RDM1: variants seen among roughly 807,000 people sequenced by gnomAD.
RDM1 encodes RAD52 motif containing 1.
RDM1 carries 28 observed loss-of-function variants against 27.7 expected under a neutral mutation model. The ratio of observed to expected loss-of-function variants is 1.01; its 90% CI spans 0.75 to 1.39. RDM1 has a LOEUF of 1.39. RDM1 is among the 40% of genes most tolerant of loss of function. The probability of loss-of-function intolerance (pLI) is 0.00; values close to 1 mark genes in which losing one functional copy is unlikely to be tolerated. For missense variants in RDM1, 277 were observed against 337.3 expected (o/e 0.82, Z 1.40); for synonymous variants, 124 against 127.5 (o/e 0.97, Z 0.19).
At chr17:35,923,633 A>C (rs868145563) in intron 4 of RDM1, among the ~76,000 whole-genome samples, 2 of 152,158 alleles carry the variant, frequency 1.3e-5, no homozygotes, top group South Asian at 4.1e-4. Flanking sequence ...AGTGCACTTC[A>C]GCCTGGGCGA....
In RDM1 at chr17:35,923,028, T is replaced by C. The variant is rs536255706; in HGVS notation, c.569-353A>G. On this transcript the variant is annotated intron_variant, in intron 4 of 6. Transcript: ENST00000620284. ...CTGGAATCACTCATCGAAAAAGGTT[T>C]GGTTGGCTGGACCTGGTGGCCCATG... Among the ~76,000 whole-genome samples the C allele has an allele frequency of 2.0e-5, 3 of 152,252 alleles. No individual in the cohort carries two copies. In the South Asian group the frequency reaches 6.2e-4, roughly 32 times the overall value.
At chr17:35,926,696 C>T (rs1399532811) in intron 2 of RDM1, among the ~76,000 whole-genome samples, 1 of 152,126 alleles carries the variant, frequency 6.6e-6, no homozygotes, top group African/African-American at 2.4e-5. Flanking sequence ...AGCCACTGCG[C>T]CTGGCCGTAA....
At chr17:35,927,724 C>T (rs1230864720) in intron 2 of RDM1, among the ~76,000 whole-genome samples, 2 of 151,916 alleles carry the variant, frequency 1.3e-5, no homozygotes, top group African/African-American at 4.8e-5. Flanking sequence ...AGTTGTAGAA[C>T]ATTTCCTTCA....
intron 2 of RDM1, among the ~76,000 whole-genome samples, chr17:35,928,213 AT>A (rs1211883372): frequency 6.6e-6 from 1 of 152,236 alleles, no homozygotes; most frequent in Non-Finnish European, 1.5e-5. Flanking sequence ...AGATGACTGA[AT>A]TGAGGCATAC....
chr17:35,924,776 T>A lies in RDM1; in HGVS notation c.400-4A>T, dbSNP rs2089076942. ...CAAGGTCAGAAAGCTCCTGAAGCTG[T>A]AAGGATATTTAATGTAAGGTCCTTC... On this transcript the variant is annotated splice_region_variant and splice_polypyrimidine_tract_variant and intron_variant, in intron 3 of 6. Transcript: ENST00000620284. The A allele has an allele frequency of 1.2e-6, 2 of 1,612,816 alleles. No homozygotes were observed. Among genetic ancestry groups the A allele is most frequent in the Non-Finnish European group, 1.7e-6 (2 of 1,179,118 alleles).
At chr17:35,921,409 G>A (rs1384317209) in intron 5 of RDM1, among the ~76,000 whole-genome samples, 1 of 152,232 alleles carries the variant, frequency 6.6e-6, no homozygotes, top group Admixed American at 6.5e-5. Flanking sequence ...TAAGCCTTTA[G>A]GGCTGTGAAG....
intron 5 of RDM1, among the ~76,000 whole-genome samples, chr17:35,920,881 A>G (rs2088922424): frequency 6.6e-6 from 1 of 152,240 alleles, no homozygotes; most frequent in African/African-American, 2.4e-5. Flanking sequence ...AAAATGCTCA[A>G]TCATAATATG....
intron 4 of RDM1, among the ~76,000 whole-genome samples, chr17:35,923,298 C>T (rs554290306): frequency 2.5e-4 from 36 of 144,514 alleles, no homozygotes; most frequent in African/African-American, 3.9e-4. Context: ...TGCAGTGAGC[C>T]GAGATCATGC....
rs2089294611 is a variant in RDM1, at chr17:35,930,663, A to G, written c.65T>C (p.Leu22Pro). 3 of 1,613,676 alleles carry G rather than the reference A, an allele frequency of 1.9e-6. No individual in the cohort carries two copies. Among genetic ancestry groups the G allele is most frequent in the Non-Finnish European group, 2.5e-6 (3 of 1,179,968 alleles). The change falls in exon 1 of 7, where the codon CTG (leucine) becomes CCG (proline). Residue 22 changes from leucine to proline, a missense_variant. Coordinates refer to ENST00000620284, the MANE Select transcript of RDM1 (RefSeq NM_145654.4). Reference sequence around the variant, plus strand: ...AGCCTCGGCCGTGGGTCCGGAGCTCAGCTCCCACACTAGCAAGGTTTTGTC... The same window carrying G: ...AGCCTCGGCCGTGGGTCCGGAGCTCGGCTCCCACACTAGCAAGGTTTTGTC... ...ESDKTLLVWE[L>P]SSGPTAEALH...
chr17:35,920,322 C>T (rs1342376067), intron 5 of RDM1, 50 bp from the exon 6 acceptor site: 6 of 940,146 alleles, frequency 6.4e-6, no homozygotes, highest in Non-Finnish European at 1.0e-5. Flanking sequence ...CATTCTAAAA[C>T]TTCCTGCATA....
chr17:35,924,287 G>A (rs533754071), intron 4 of RDM1, among the ~76,000 whole-genome samples: 1 of 152,032 alleles, frequency 6.6e-6, no homozygotes, highest in African/African-American at 2.4e-5. Flanking sequence ...AGAGCTACAA[G>A]AGACACATAT....
intron 2 of RDM1, among the ~76,000 whole-genome samples, chr17:35,927,010 C>A (rs141470733): frequency 6.6e-6 from 1 of 150,750 alleles, no homozygotes; most frequent in African/African-American, 2.4e-5. Context: ...CACAGTGGAG[C>A]CTTTCCAGAC....
At chr17:35,930,418 C>T in intron 1 of RDM1, 163 bp from the exon 2 acceptor site, 2 of 1,043,032 alleles carry the variant, frequency 1.9e-6, no homozygotes, top group South Asian at 3.2e-5. Flanking sequence ...TTAAGAAGCA[C>T]TGGAAGGTAA....
At chr17:35,925,154 A>AAAAACCCAATAAAAAAAAG (rs920926451) in intron 3 of RDM1, among the ~76,000 whole-genome samples, 1 of 152,082 alleles carries the variant, frequency 6.6e-6, no homozygotes, top group Admixed American at 6.6e-5. Context: ...AAAACAAAAC[A>AAAAACCCAATAAAAAAAAG]AAAACCCAAT....
chr17:35,922,322 C>A, intron 5 of RDM1: 1 of 474,234 alleles, frequency 2.1e-6, no homozygotes, highest in Non-Finnish European at 3.7e-6. Context: ...TAAAGAAGAC[C>A]TGGCTTAAAC....
rs552054310 is a variant in RDM1, at chr17:35,921,220, AAC to A, written c.668-950_668-949del. ...CTTTGTATATTAGGGAGAGGTAAACAACACACACACTTCGTTTGGTTCTTAAA... is the reference window on the plus strand; with the variant it reads ...CTTTGTATATTAGGGAGAGGTAAACAACACACACTTCGTTTGGTTCTTAAA... On this transcript the variant is annotated intron_variant, in intron 5 of 6. Transcript: ENST00000620284. 1.4e-4 allele frequency among the ~76,000 whole-genome samples: 21 copies of A among 152,354 alleles called. No homozygotes were observed. The South Asian group carries it at 4.1e-3, about 30-fold the overall frequency.
chr17:35,930,256 C>T lies in RDM1; in HGVS notation c.97-1G>A, dbSNP rs749590532. ...GAGAAAATGCTGTGAACAGAGAATG[C>T]TGTGGGGGTGGGACAAGTAAATGCA... On this transcript the variant is annotated splice_acceptor_variant, in intron 1 of 6. Coordinates refer to ENST00000620284, the MANE Select transcript of RDM1 (RefSeq NM_145654.4). LOFTEE classifies it high-confidence loss of function. The T allele has an allele frequency of 6.2e-7, 1 of 1,614,076 alleles. No individual in the cohort carries two copies. Among genetic ancestry groups the T allele is most frequent in the Non-Finnish European group, 8.5e-7 (1 of 1,180,020 alleles).
chr17:35,920,038 GA>G, intron 6 of RDM1, 148 bp downstream of exon 6: 1 of 499,714 alleles, frequency 2.0e-6, no homozygotes. Flanking sequence ...AAGACTTCAG[GA>G]AAAGCCCCAG....
At chr17:35,925,663 A>G in intron 2 of RDM1, 26 bp from the exon 3 acceptor site, 1 of 1,590,668 alleles carries the variant, frequency 6.3e-7, no homozygotes, top group Non-Finnish European at 8.6e-7. Context: ...ATAGACCCAT[A>G]AATATCACAA....
Sources: gnomAD v4.1 joint callset for allele counts (sites outside exome capture counted in the v4.1 genomes callset) on GRCh38, gnomAD v4.1.1 for gene constraint, MANE v1.5 for transcripts, NCBI Gene and HGNC (gene_info 2026-07-23, HGNC 2026-07-21) for gene names.